The following GABRA5 variants were observed in gnomAD, a reference collection of about 807,000 sequenced individuals.
The protein encoded by GABRA5 is gamma-aminobutyric acid receptor subunit alpha-5.
GABRA5 carries 18 observed loss-of-function variants against 47.3 expected under a neutral mutation model. The ratio of observed to expected loss-of-function variants is 0.38; its 90% CI spans 0.26 to 0.56. The LOEUF (loss-of-function observed/expected upper bound fraction) is 0.56, where lower values mean the gene tolerates loss of function less well. Ranked by LOEUF, GABRA5 falls within the 20% of genes least tolerant of loss-of-function variation. The pLI is 0.71. For missense variants in GABRA5, 365 were observed against 599.3 expected (o/e 0.61, Z 4.08); for synonymous variants, 237 against 229.3 (o/e 1.03, Z -0.30).
rs1279767276 is a variant in GABRA5 at position 26,883,288 on chromosome 15, C to T, written c.277-49C>T. The T allele has an allele frequency of 4.3e-6, 7 of 1,610,476 alleles. No individual in the cohort carries two copies. The highest frequency in any genetic ancestry group is 5.9e-6 in the Non-Finnish European group (7 of 1,176,828). On this transcript the variant is annotated intron_variant, in intron 5 of 10. Transcript: ENST00000335625. This position sits in a 1 kb window ranked among gnomAD's most constrained non-coding sequence, Gnocchi z 4.8. Reference sequence around the variant, plus strand: ...ATTCTTACTCCGCGCCGCAGGCCCCCGCCCAGGCCCCGTGCCCTCTGACTG... The same window carrying T: ...ATTCTTACTCCGCGCCGCAGGCCCCTGCCCAGGCCCCGTGCCCTCTGACTG...
intron 7 of GABRA5, among the ~76,000 whole-genome samples, chr15:26,929,900 C>T (rs1284179973): frequency 2.0e-5 from 3 of 152,128 alleles, no homozygotes; most frequent in Non-Finnish European, 1.5e-5. Flanking sequence ...ACACCCATCC[C>T]GGTATTCTCT....
chr15:26,879,425 T>TG (rs1892674178), intron 3 of GABRA5, among the ~76,000 whole-genome samples: 1 of 152,178 alleles, frequency 6.6e-6, no homozygotes, highest in Non-Finnish European at 1.5e-5. Context: ...CCATGGATGT[T>TG]GGAGAAAGGG....
chr15:26,913,326 C>T (rs1234298278), intron 6 of GABRA5, among the ~76,000 whole-genome samples: 1 of 152,172 alleles, frequency 6.6e-6, no homozygotes, highest in Non-Finnish European at 1.5e-5. Context: ...CAGAAGATTT[C>T]GTATCTTTGA....
intron 6 of GABRA5, among the ~76,000 whole-genome samples, chr15:26,888,474 G>T (rs534325923): frequency 6.6e-6 from 1 of 152,172 alleles, no homozygotes; most frequent in Admixed American, 6.5e-5. Context: ...GGCTGGAGAG[G>T]TTAGGGGAGC....
At chr15:26,893,466 A>G (rs1361081955) in intron 6 of GABRA5, among the ~76,000 whole-genome samples, 4 of 560 alleles carry the variant, frequency 7.1e-3, no homozygotes, top group East Asian at 0.1. Flanking sequence ...TCAGGTCCCT[A>G]TGTGAAGTTA....
intron 2 of GABRA5, 30 bp downstream of exon 2, chr15:26,868,823 G>A (rs1474137948): frequency 6.3e-6 from 1 of 157,938 alleles, no homozygotes; most frequent in Non-Finnish European, 1.4e-5. Flanking sequence ...GGATTTGACG[G>A]ATACAAAATA....
At chr15:26,890,042 T>A (rs543916968) in intron 6 of GABRA5, among the ~76,000 whole-genome samples, 1 of 152,370 alleles carries the variant, frequency 6.6e-6, no homozygotes, top group South Asian at 2.1e-4. Context: ...GTTTTGAAAC[T>A]TTGTGATATA....
chr15:26,916,540 G>A (rs1427209018), intron 7 of GABRA5, among the ~76,000 whole-genome samples: 2 of 152,002 alleles, frequency 1.3e-5, no homozygotes, highest in Admixed American at 6.6e-5. Flanking sequence ...TCCCAAGATT[G>A]TTTTGGATAT....
intron 7 of GABRA5, among the ~76,000 whole-genome samples, chr15:26,931,163 T>A (rs1220044436): frequency 6.6e-6 from 1 of 152,126 alleles, no homozygotes; most frequent in Non-Finnish European, 1.5e-5. Flanking sequence ...CCTCCCAAAG[T>A]GCTGGGATTA....
At chr15:26,910,648 C>A (rs1053391420) in intron 6 of GABRA5, among the ~76,000 whole-genome samples, 5 of 151,542 alleles carry the variant, frequency 3.3e-5, no homozygotes, top group African/African-American at 1.2e-4. Flanking sequence ...AGATGTTCTT[C>A]AAAAATGGGA....
rs898734685 is a variant in GABRA5 at position 26,880,830 on chromosome 15, T to C, written c.87-16T>C. 3 of 1,612,298 alleles carry C rather than the reference T, an allele frequency of 1.9e-6. No individual in the cohort carries two copies. Among genetic ancestry groups the C allele is most frequent in the Non-Finnish European group, 2.5e-6 (3 of 1,179,274 alleles). On this transcript the variant is annotated splice_polypyrimidine_tract_variant and intron_variant, in intron 3 of 10. Coordinates refer to ENST00000335625, the MANE Select transcript of GABRA5 (RefSeq NM_000810.4). ...TAATATGTTTTAACGCTTCCTCTTG[T>C]TTCTCTTTTTAAAAGCTTTTCACAG...
rs1221649675 is a variant in GABRA5 at position 26,880,958 on chromosome 15, G to A, written c.199G>A (p.Gly67Arg). The A allele has an allele frequency of 4.3e-6, 7 of 1,613,814 alleles. No individual in the cohort carries two copies. The highest frequency in any genetic ancestry group is 2.2e-5 in the South Asian group (2 of 91,066). The change falls in exon 4 of 11, where the codon GGG becomes AGG. Residue 67 changes from glycine (G) to arginine (R), a missense_variant. Around this residue, in one of 3 missense-constraint regions of GABRA5, gnomAD observed 216 missense variants for 335.3 expected, o/e 0.64. Coordinates refer to ENST00000335625, the MANE Select transcript of GABRA5 (RefSeq NM_000810.4). ...TGGCTACGACAACAGACTTCGGCCC[G>A]GGCTGGGAGGTGAGTGTGCTCTCCT... ...LDGYDNRLRP[G>R]LGERITQVRT...
At chr15:26,881,021 C>T in intron 4 of GABRA5, 54 bp downstream of exon 4, 1 of 1,591,910 alleles carries the variant, frequency 6.3e-7, no homozygotes, top group Non-Finnish European at 8.5e-7. Context: ...GGGCTTAAGT[C>T]TCGTCTCAAG....
rs575374134 is a variant in GABRA5 at position 26,886,272 on chromosome 15, G to A, written c.497+2715G>A. Among the ~76,000 whole-genome samples, 5 of 152,030 alleles carry A rather than the reference G, an allele frequency of 3.3e-5. No homozygotes were observed. The South Asian group carries it at 6.3e-4, about 19-fold the overall frequency. ...TGACCTCAGGTGATCCACTGGCCTCGGCCTCCCAAAGTGCTGGGATTACAG... is the reference window on the plus strand; with the variant it reads ...TGACCTCAGGTGATCCACTGGCCTCAGCCTCCCAAAGTGCTGGGATTACAG... On this transcript the variant is annotated intron_variant, in intron 6 of 10. Transcript: ENST00000335625.
intron 6 of GABRA5, among the ~76,000 whole-genome samples, chr15:26,899,176 A>T (rs1231208898): frequency 6.6e-6 from 1 of 152,076 alleles, no homozygotes; most frequent in Non-Finnish European, 1.5e-5. Flanking sequence ...AAATTTTTAA[A>T]ATTTCTCTTA....
At chr15:26,938,046 T>A (rs967859024) in intron 8 of GABRA5, among the ~76,000 whole-genome samples, 11 of 152,208 alleles carry the variant, frequency 7.2e-5, no homozygotes, top group African/African-American at 2.4e-4. Context: ...GGGGCCCTGA[T>A]GGCAGAAAGA....
At chr15:26,902,577 A>G (rs1414278019) in intron 6 of GABRA5, among the ~76,000 whole-genome samples, 3 of 152,142 alleles carry the variant, frequency 2.0e-5, no homozygotes, top group African/African-American at 4.8e-5. Flanking sequence ...CTCAAGCTCA[A>G]TTGTGCTCAA....
At chr15:26,898,931 G>T (rs952479381) in intron 6 of GABRA5, among the ~76,000 whole-genome samples, 2 of 151,940 alleles carry the variant, frequency 1.3e-5, no homozygotes, top group Non-Finnish European at 2.9e-5. Flanking sequence ...TAGGGACAGG[G>T]TGCCATCATA....
At chr15:26,893,414 T>TGTGTATAGTGTGTGGAG (rs1893082499) in intron 6 of GABRA5, among the ~76,000 whole-genome samples, 1 of 5,514 alleles carries the variant, frequency 1.8e-4, no homozygotes, top group African/African-American at 8.5e-4. Flanking sequence ...GTTGTGTGTG[T>TGTGTATAGTGTGTGGAG]TGTGTGTGTA....
Sources: allele counts gnomAD v4.1 joint callset (sites outside exome capture counted in the v4.1 genomes callset), GRCh38; gene constraint gnomAD v4.1.1; regional missense constraint gnomAD v4.1.1; non-coding constraint Gnocchi (gnomAD v3.1); transcripts MANE v1.5; gene names NCBI Gene and HGNC (gene_info 2026-07-23, HGNC 2026-07-21).